GSK3B: variants seen among roughly 807,000 people sequenced by gnomAD.
GSK3B encodes glycogen synthase kinase-3 beta.
Under a neutral mutation model 56.4 loss-of-function variants are expected in GSK3B, and 15 were observed. The observed-to-expected ratio is 0.27, with a 90% CI of 0.18 to 0.41. The LOEUF (loss-of-function observed/expected upper bound fraction) is 0.41, where lower values mean the gene tolerates loss of function less well. Among genes scored for constraint, GSK3B ranks in the 10% least tolerant of loss-of-function variants. The pLI, the probability that GSK3B is intolerant of heterozygous loss-of-function variation, is 1.00. For missense variants in GSK3B, 300 were observed against 513.4 expected (o/e 0.58, Z 4.02); for synonymous variants, 181 against 188.9 (o/e 0.96, Z 0.34).
chr3:119,986,924 C>T (rs146399848), intron 2 of GSK3B, among the ~76,000 whole-genome samples: 7 of 152,246 alleles, frequency 4.6e-5, no homozygotes, highest in African/African-American at 1.2e-4. Flanking sequence ...TTGGAACCAA[C>T]GCAAATGTCC....
chr3:120,037,733 G>A (rs560582843), intron 1 of GSK3B, among the ~76,000 whole-genome samples: 24 of 151,874 alleles, frequency 1.6e-4, no homozygotes, highest in African/African-American at 5.6e-4. Context: ...AAAATACTGA[G>A]CATATAAGCA....
At chr3:119,963,816 T>A (rs2057295817) in intron 2 of GSK3B, among the ~76,000 whole-genome samples, 1 of 152,100 alleles carries the variant, frequency 6.6e-6, no homozygotes, top group Non-Finnish European at 1.5e-5. Context: ...GATACCCATA[T>A]CCAAAAGAAT....
chr3:119,882,936 G>A (rs1020154146), intron 7 of GSK3B, among the ~76,000 whole-genome samples: 4 of 152,128 alleles, frequency 2.6e-5, no homozygotes, highest in African/African-American at 9.7e-5. Flanking sequence ...TGACTGTTAA[G>A]AGGCTTTAAC....
At chr3:120,000,963 C>T (rs532782573) in intron 2 of GSK3B, among the ~76,000 whole-genome samples, 5 of 126,854 alleles carry the variant, frequency 3.9e-5, no homozygotes, top group East Asian at 2.4e-4. Context: ...CTCACTCTGT[C>T]CCCCAAGCTG....
At chr3:119,997,782 A>T (rs2057637283) in intron 2 of GSK3B, among the ~76,000 whole-genome samples, 1 of 152,176 alleles carries the variant, frequency 6.6e-6, no homozygotes, top group Non-Finnish European at 1.5e-5. Context: ...CCAGAAGAAA[A>T]TCCAATGTAT....
chr3:120,011,816 A>T (rs1217370046), intron 1 of GSK3B, among the ~76,000 whole-genome samples: 1 of 152,250 alleles, frequency 6.6e-6, no homozygotes, highest in African/African-American at 2.4e-5. Flanking sequence ...TGTACTGTTT[A>T]CAAAGAACAA....
intron 7 of GSK3B, among the ~76,000 whole-genome samples, chr3:119,891,356 T>C (rs942222707): frequency 6.6e-6 from 1 of 152,024 alleles, no homozygotes; most frequent in South Asian, 2.1e-4. Flanking sequence ...CATGACTATC[T>C]TTAACACCAC....
intron 1 of GSK3B, among the ~76,000 whole-genome samples, chr3:120,003,682 C>T (rs1292966495): frequency 4.6e-5 from 7 of 152,066 alleles, no homozygotes; most frequent in East Asian, 1.9e-4. Context: ...ATATTTATAT[C>T]CATTTAAATT....
intron 2 of GSK3B, among the ~76,000 whole-genome samples, chr3:119,948,775 T>C (rs974363648): frequency 6.6e-5 from 10 of 152,190 alleles, no homozygotes; most frequent in African/African-American, 2.4e-4. Flanking sequence ...CTCGGCTCAT[T>C]GCAACCTTTG....
intron 9 of GSK3B, among the ~76,000 whole-genome samples, chr3:119,847,081 G>A (rs1280103416): frequency 1.3e-5 from 2 of 151,998 alleles, no homozygotes; most frequent in Non-Finnish European, 2.9e-5. Flanking sequence ...AGTGGGAGTT[G>A]AACAATGAGA....
chr3:119,889,751 G>C (rs2056481031), intron 7 of GSK3B, among the ~76,000 whole-genome samples: 1 of 152,058 alleles, frequency 6.6e-6, no homozygotes, highest in Non-Finnish European at 1.5e-5. Flanking sequence ...TACAAAGGCA[G>C]AAATTGTCAA....
At chr3:120,072,490 G>A (rs1036790376) in intron 1 of GSK3B, among the ~76,000 whole-genome samples, 3 of 152,082 alleles carry the variant, frequency 2.0e-5, no homozygotes, top group African/African-American at 7.2e-5. Flanking sequence ...GAGAGGCTGA[G>A]GCAGGAGAAT....
chr3:119,849,541 GC>G (rs1402610903), intron 9 of GSK3B, among the ~76,000 whole-genome samples: 1 of 152,076 alleles, frequency 6.6e-6, no homozygotes, highest in Non-Finnish European at 1.5e-5. Flanking sequence ...TCTCCTTATG[GC>G]CCATGCTGTC....
rs1017724631 is a variant in GSK3B at position 119,825,716 on chromosome 3, A to G, written c.*1072T>C. ...TTAGAACTATGTGTAGAATGTGGCT[A>G]TTTCTGCAAGCTCAATTTTCAATTA... is the stretch of plus-strand genomic sequence containing the variant. On this transcript the variant is annotated 3_prime_UTR_variant, in exon 11 of 11. Transcript: ENST00000264235. 6.2e-5 allele frequency: 14 copies of G among 225,450 alleles called. No homozygotes were observed. Among genetic ancestry groups the G allele is most frequent in the African/African-American group, 2.0e-4 (9 of 44,968 alleles). The allele number at this position is 225,450 out of a possible 1,614,324, so 14.0% of individuals were successfully genotyped here.
chr3:120,081,842 G>C (rs1228914201), intron 1 of GSK3B, among the ~76,000 whole-genome samples: 3 of 152,178 alleles, frequency 2.0e-5, no homozygotes, highest in Non-Finnish European at 2.9e-5. Flanking sequence ...AAGAACATTA[G>C]AAGGGTCACA....
At chr3:120,019,361 C>G (rs2057853758) in intron 1 of GSK3B, among the ~76,000 whole-genome samples, 1 of 152,160 alleles carries the variant, frequency 6.6e-6, no homozygotes, top group Non-Finnish European at 1.5e-5. Flanking sequence ...CACTTACTGA[C>G]CAGCATAAGG....
rs959249317 is a variant in GSK3B, at chr3:119,929,617, A to G, written c.367-6134T>C. 2.0e-5 allele frequency among the ~76,000 whole-genome samples: 3 copies of G among 151,922 alleles called. No homozygotes were observed. In the East Asian group the frequency reaches 5.8e-4, roughly 29 times the overall value. On this transcript the variant is annotated intron_variant, in intron 3 of 10. Transcript: ENST00000264235. Reference sequence around the variant, plus strand: ...GCACCATTTCTACAAAAAAACAAAAAATTGGCCAGGCATGGTGGCTCACGC... The same window carrying G: ...GCACCATTTCTACAAAAAAACAAAAGATTGGCCAGGCATGGTGGCTCACGC...
At chr3:119,963,687 T>C (rs1184717528) in intron 2 of GSK3B, among the ~76,000 whole-genome samples, 1 of 127,308 alleles carries the variant, frequency 7.9e-6, no homozygotes, top group Non-Finnish European at 1.7e-5. Flanking sequence ...AAAAAACACA[T>C]GGACAAATGG....
intron 2 of GSK3B, among the ~76,000 whole-genome samples, chr3:119,966,043 T>C (rs866091983): frequency 5.9e-5 from 9 of 152,222 alleles, no homozygotes; most frequent in Non-Finnish European, 1.0e-4. Context: ...GGCACCAAAC[T>C]AGACAATTCA....
Sources: allele counts gnomAD v4.1 joint callset (sites outside exome capture counted in the v4.1 genomes callset), GRCh38; gene constraint gnomAD v4.1.1; transcripts MANE v1.5; gene names NCBI Gene and HGNC (gene_info 2026-07-23, HGNC 2026-07-21).